The following MAPK10 variants were observed in gnomAD, a reference collection of about 807,000 sequenced individuals.
The protein encoded by MAPK10 is JNK3 alpha protein kinase.
Under a neutral mutation model 59.3 loss-of-function variants are expected in MAPK10, and 25 were observed. That is an observed-to-expected ratio of 0.42 (90% CI 0.31 to 0.59). The LOEUF is 0.59. MAPK10 is among the 20% of genes least tolerant of loss of function. MAPK10 has a pLI of 0.15. For synonymous variants in MAPK10, 190 were observed against 200.5 expected, an observed-to-expected ratio of 0.95 and a Z score of 0.44; for missense variants, 351 against 568.9, an observed-to-expected ratio of 0.62 and a Z score of 3.90.
chr4:86,512,183 T>A (rs1478352715), intron 1 of MAPK10, among the ~76,000 whole-genome samples: 1 of 152,176 alleles, frequency 6.6e-6, no homozygotes, highest in Non-Finnish European at 1.5e-5. Flanking sequence ...CGGTAAAGCA[T>A]ACTTTTGAGA....
At position 86,526,583 on chromosome 4, in the gene MAPK10, G is replaced by T. The variant is rs116122593; in HGVS notation, c.-263+67327C>A. Reference sequence around the variant, plus strand: ...TAGGTTCCCAATTTCCTGGACTTTGGCTCCAATTTTAGTTATTTCCTTTCT... The same window carrying T: ...TAGGTTCCCAATTTCCTGGACTTTGTCTCCAATTTTAGTTATTTCCTTTCT... On this transcript the variant is annotated intron_variant, in intron 1 of 4. Transcript: ENST00000502302. Among the ~76,000 whole-genome samples, 191 of 152,004 alleles carry T rather than the reference G, an allele frequency of 1.3e-3. 4 individuals are homozygous for T. The highest frequency in any genetic ancestry group is 4.5e-3 in the African/African-American group (185 of 41,468).
chr4:86,304,531 T>TACAGGCGCCCACCACC (rs1554192109), intron 2 of MAPK10, among the ~76,000 whole-genome samples: 3 of 149,456 alleles, frequency 2.0e-5, no homozygotes, highest in African/African-American at 7.6e-5. Flanking sequence ...TAGCTGGGAC[T>TACAGGCGCCCACCACC]ACAGGCGCCC....
intron 3 of MAPK10, among the ~76,000 whole-genome samples, chr4:86,188,409 T>A (rs1056462012): frequency 6.6e-6 from 1 of 152,196 alleles, no homozygotes; most frequent in Non-Finnish European, 1.5e-5. Context: ...CCAGCATCTG[T>A]TGTTTCCTGA....
At chr4:86,437,207 C>CT (rs1226371677) in intron 1 of MAPK10, among the ~76,000 whole-genome samples, 3 of 126,286 alleles carry the variant, frequency 2.4e-5, no homozygotes, top group Admixed American at 8.8e-5. Flanking sequence ...GAGTGAGACT[C>CT]TGTCTCAAAA....
chr4:86,188,107 C>T (rs1297161994), intron 3 of MAPK10, among the ~76,000 whole-genome samples: 2 of 152,148 alleles, frequency 1.3e-5, no homozygotes, highest in Non-Finnish European at 2.9e-5. Context: ...CGTAGTATTC[C>T]ATGGTGTGTA....
intron 2 of MAPK10, among the ~76,000 whole-genome samples, chr4:86,242,596 C>T (rs552362835): frequency 1.4e-4 from 21 of 152,316 alleles, no homozygotes; most frequent in Middle Eastern, 3.4e-3. Context: ...AAGGATGGGT[C>T]AGGGTTAGAC....
chr4:86,231,145 C>G (rs17011556), intron 2 of MAPK10, among the ~76,000 whole-genome samples: 7,078 of 152,236 alleles, frequency 0.046, 209 homozygotes, highest in African/African-American at 0.072. Flanking sequence ...ATTTCTGTGG[C>G]ATGTCCTATA....
chr4:86,199,469 T>C (rs956069778), intron 2 of MAPK10, among the ~76,000 whole-genome samples: 1 of 152,022 alleles, frequency 6.6e-6, no homozygotes, highest in Non-Finnish European at 1.5e-5. Flanking sequence ...AACTAAACAA[T>C]ATCTTATTTA....
At chr4:86,477,167 G>A (rs1420101407) in intron 1 of MAPK10, among the ~76,000 whole-genome samples, 1 of 152,054 alleles carries the variant, frequency 6.6e-6, no homozygotes, top group Non-Finnish European at 1.5e-5. Flanking sequence ...CAATACAGAG[G>A]CTACTCACTC....
intron 1 of MAPK10, among the ~76,000 whole-genome samples, chr4:86,552,271 A>G (rs1362779169): frequency 3.3e-5 from 5 of 151,680 alleles, no homozygotes; most frequent in Admixed American, 6.6e-5. Flanking sequence ...AATAAACAAA[A>G]TTAGCCAGGC....
At position 86,194,466 on chromosome 4, in the gene MAPK10, A is replaced by C. The variant is rs190346608; in HGVS notation, c.-6-59T>G. The C allele has an allele frequency of 8.4e-4, 832 of 989,974 alleles. 4 individuals are homozygous for C. The African/African-American group carries it at 0.011, about 14-fold the overall frequency. The allele number at this position is 989,974 out of a possible 1,614,324, so 61.3% of individuals were successfully genotyped here. A position where few individuals can be genotyped will look rare whatever the true frequency, so the allele number is the denominator to read the frequency against. ...AATCACTAGTTTTTCATTATATAAC[A>C]ATATAGATTTTGGCATAATTTGAGT... On this transcript the variant is annotated intron_variant, in intron 2 of 13. Transcript: ENST00000641462.
At chr4:86,078,984 TG>T (rs2050092090) in intron 9 of MAPK10, among the ~76,000 whole-genome samples, 1 of 152,048 alleles carries the variant, frequency 6.6e-6, no homozygotes, top group Non-Finnish European at 1.5e-5. Flanking sequence ...AGTGAAACTT[TG>T]TCCCCCACCC....
intron 1 of MAPK10, among the ~76,000 whole-genome samples, chr4:86,507,634 A>ATG (rs1381886631): frequency 4.5e-5 from 3 of 67,104 alleles, no homozygotes; most frequent in South Asian, 4.5e-4. Flanking sequence ...ATATATATAT[A>ATG]TATATATATA....
At chr4:86,336,012 T>C (rs1721099072) in intron 2 of MAPK10, among the ~76,000 whole-genome samples, 1 of 152,160 alleles carries the variant, frequency 6.6e-6, no homozygotes, top group Non-Finnish European at 1.5e-5. Context: ...TCATATAATG[T>C]CAGAGATGTC....
intron 1 of MAPK10, among the ~76,000 whole-genome samples, chr4:86,413,431 C>T (rs2149028449): frequency 6.6e-6 from 1 of 152,318 alleles, no homozygotes; most frequent in Admixed American, 6.5e-5. Context: ...AGAACCATTG[C>T]TCTCTTCAGA....
intron 2 of MAPK10, among the ~76,000 whole-genome samples, chr4:86,337,298 A>C (rs1722078656): frequency 6.6e-6 from 1 of 152,168 alleles, no homozygotes; most frequent in Admixed American, 6.5e-5. Context: ...CCATAGATTA[A>C]ATTTTAAAAT....
At chr4:86,399,005 C>T (rs1340122068) in intron 1 of MAPK10, among the ~76,000 whole-genome samples, 2 of 152,102 alleles carry the variant, frequency 1.3e-5, no homozygotes, top group Non-Finnish European at 2.9e-5. Flanking sequence ...TCCAGTCCAC[C>T]GATGCTGGGC....
At chr4:86,044,071 GA>G (rs1298826308) in intron 11 of MAPK10, among the ~76,000 whole-genome samples, 1 of 152,094 alleles carries the variant, frequency 6.6e-6, no homozygotes, top group East Asian at 1.9e-4. Flanking sequence ...GAACAGCAGG[GA>G]AAAAGGCGAC....
chr4:86,431,992 C>A (rs1261002924), intron 1 of MAPK10, among the ~76,000 whole-genome samples: 3 of 152,146 alleles, frequency 2.0e-5, no homozygotes, highest in African/African-American at 4.8e-5. Flanking sequence ...GGAAGGAATG[C>A]TGGTCAGATG....
Sources: gnomAD v4.1 joint callset for allele counts (sites outside exome capture counted in the v4.1 genomes callset) on GRCh38, gnomAD v4.1.1 for gene constraint, MANE v1.5 for transcripts, NCBI Gene and HGNC (gene_info 2026-07-23, HGNC 2026-07-21) for gene names.